RBMS3: variants seen among roughly 807,000 people sequenced by gnomAD.
RBMS3 encodes RNA binding motif single stranded interacting protein 3.
A neutral mutation model predicts 66.8 loss-of-function variants in RBMS3; 27 were observed. The observed-to-expected ratio is 0.40, with a 90% CI of 0.30 to 0.56. The LOEUF is 0.56. Among genes scored for constraint, RBMS3 ranks in the 20% least tolerant of loss-of-function variants. The pLI, the probability that RBMS3 is intolerant of heterozygous loss-of-function variation, is 0.40. For missense variants in RBMS3, 513 were observed against 549.5 expected (o/e 0.93, Z 0.66); for synonymous variants, 188 against 183.0 (o/e 1.03, Z -0.22).
chr3:29,886,519 G>C (rs528421046), intron 8 of RBMS3, among the ~76,000 whole-genome samples: 67 of 151,984 alleles, frequency 4.4e-4, no homozygotes, highest in Non-Finnish European at 8.1e-4. Context: ...CATAGGGAAA[G>C]ATGCTTATGG....
At chr3:29,859,555 A>T (rs1186077400) in intron 6 of RBMS3, among the ~76,000 whole-genome samples, 2 of 152,248 alleles carry the variant, frequency 1.3e-5, no homozygotes, top group East Asian at 3.8e-4. Context: ...CAAGAGTTTG[A>T]ATTAAGAAAA....
intron 3 of RBMS3, among the ~76,000 whole-genome samples, chr3:29,547,463 T>C (rs72855060): frequency 6.6e-6 from 1 of 151,796 alleles, no homozygotes; most frequent in East Asian, 1.9e-4. Flanking sequence ...ATTAAGCAAT[T>C]GGAAAATAAA....
chr3:29,283,799 G>A (rs1446040497), intron 1 of RBMS3, among the ~76,000 whole-genome samples: 1 of 152,148 alleles, frequency 6.6e-6, no homozygotes, highest in Non-Finnish European at 1.5e-5. Flanking sequence ...ATGCTTTGAA[G>A]TTGTCCTGTA....
At chr3:29,807,770 TAAAAA>T (rs1559692748) in intron 6 of RBMS3, among the ~76,000 whole-genome samples, 1 of 150,606 alleles carries the variant, frequency 6.6e-6, no homozygotes, top group Non-Finnish European at 1.5e-5. Context: ...ACCAAAAAAA[TAAAAA>T]AGTACTATGT....
chr3:29,858,324 T>C (rs1443374635), intron 6 of RBMS3, among the ~76,000 whole-genome samples: 5 of 152,144 alleles, frequency 3.3e-5, no homozygotes, highest in Admixed American at 6.5e-5. Context: ...TAGTAATCTA[T>C]AAATATAAAA....
intron 1 of RBMS3, among the ~76,000 whole-genome samples, chr3:29,311,107 T>G (rs997106147): frequency 1.3e-5 from 2 of 151,740 alleles, no homozygotes; most frequent in Non-Finnish European, 2.9e-5. Context: ...CTTGATTCAG[T>G]AGGTTAATGG....
intron 4 of RBMS3, among the ~76,000 whole-genome samples, chr3:29,665,470 C>G (rs1331663210): frequency 6.6e-6 from 1 of 152,078 alleles, no homozygotes; most frequent in Non-Finnish European, 1.5e-5. Flanking sequence ...TCTTTTTCCT[C>G]CTCCCCTTTC....
At chr3:29,670,766 G>A (rs1056077791) in intron 4 of RBMS3, among the ~76,000 whole-genome samples, 1 of 152,212 alleles carries the variant, frequency 6.6e-6, no homozygotes, top group African/African-American at 2.4e-5. Context: ...CTCCAACTGG[G>A]TGGAGCCCAC....
At chr3:29,757,300 G>A (rs2055462918) in intron 5 of RBMS3, among the ~76,000 whole-genome samples, 1 of 152,210 alleles carries the variant, frequency 6.6e-6, no homozygotes, top group African/African-American at 2.4e-5. Flanking sequence ...TTATGTCATA[G>A]TTGCCATGCA....
intron 4 of RBMS3, among the ~76,000 whole-genome samples, chr3:29,695,077 A>G (rs943410990): frequency 1.3e-5 from 2 of 152,116 alleles, no homozygotes; most frequent in African/African-American, 4.8e-5. Flanking sequence ...TTTTTTTTAA[A>G]CAACACTTTT....
intron 1 of RBMS3, among the ~76,000 whole-genome samples, chr3:29,383,246 A>G (rs2038855265): frequency 6.6e-6 from 1 of 152,350 alleles, no homozygotes; most frequent in East Asian, 1.9e-4. Flanking sequence ...TTTTTTGATC[A>G]TAAGAATTGA....
chr3:29,443,394 A>G (rs1444764581), intron 2 of RBMS3, among the ~76,000 whole-genome samples: 1 of 152,046 alleles, frequency 6.6e-6, no homozygotes, highest in African/African-American at 2.4e-5. Flanking sequence ...TTGCATTCTA[A>G]TGGATAAAAA....
chr3:29,907,106 C>A (rs932687484), intron 10 of RBMS3, among the ~76,000 whole-genome samples: 1 of 152,080 alleles, frequency 6.6e-6, no homozygotes, highest in Non-Finnish European at 1.5e-5. Flanking sequence ...ATCTGGCAGT[C>A]TTTTTTCCCT....
intron 1 of RBMS3, among the ~76,000 whole-genome samples, chr3:29,285,383 C>T (rs1209261267): frequency 6.6e-6 from 1 of 151,866 alleles, no homozygotes; most frequent in African/African-American, 2.4e-5. Flanking sequence ...ATAGATATTT[C>T]TCTCACATAT....
intron 4 of RBMS3, chr3:29,642,779 C>T (rs1185517610): frequency 1.3e-5 from 2 of 152,092 alleles, no homozygotes; most frequent in Non-Finnish European, 2.9e-5. Context: ...AAAGAAGAGC[C>T]GCCGTGTTCC....
At position 29,624,708 on chromosome 3, in the gene RBMS3, G is replaced by A. The variant is rs543210543; in HGVS notation, c.399+37503G>A. ...TTTTAAAATTTTAAAACAATAAAAG[G>A]AGCACATATATGAGCATAAATAGGT... On this transcript the variant is annotated intron_variant, in intron 4 of 14. Transcript: ENST00000383767. Among the ~76,000 whole-genome samples, 43 of 152,072 alleles carry A rather than the reference G, an allele frequency of 2.8e-4. No homozygotes were observed. In the South Asian group the frequency reaches 8.9e-3, roughly 32 times the overall value.
At chr3:29,962,969 T>C (rs1314878836) in intron 12 of RBMS3, among the ~76,000 whole-genome samples, 1 of 151,734 alleles carries the variant, frequency 6.6e-6, no homozygotes, top group East Asian at 1.9e-4. Context: ...ACTTATCTCC[T>C]GTGCCCTTCA....
At chr3:29,856,909 T>C (rs1009933647) in intron 6 of RBMS3, among the ~76,000 whole-genome samples, 2 of 152,188 alleles carry the variant, frequency 1.3e-5, no homozygotes, top group Non-Finnish European at 2.9e-5. Flanking sequence ...CTGGATTAAA[T>C]TTATATTGTA....
In RBMS3 at chr3:29,390,934, C is replaced by T. The variant is rs565454386; in HGVS notation, c.76-43809C>T. ...AGCTGAAGACCACCCTCATCCATGA[C>T]GGCTACCATGGGGAATTTGTAAAGT... On this transcript the variant is annotated intron_variant, in intron 1 of 14. Transcript: ENST00000383767. The T allele has an allele frequency of 6.7e-4, 136 of 204,040 alleles. 1 individual carries two copies. Among genetic ancestry groups the T allele is most frequent in the Non-Finnish European group, 1.1e-3 (94 of 87,516 alleles). The allele number at this position is 204,040 out of a possible 1,614,324, so 12.6% of individuals were successfully genotyped here.
Sources: allele counts gnomAD v4.1 joint callset (sites outside exome capture counted in the v4.1 genomes callset), GRCh38; gene constraint gnomAD v4.1.1; transcripts MANE v1.5; gene names NCBI Gene and HGNC (gene_info 2026-07-23, HGNC 2026-07-21).